The following KIF2C variants were observed in gnomAD, a reference collection of about 807,000 sequenced individuals.
KIF2C encodes the protein kinesin-like protein KIF2C.
KIF2C carries 34 observed loss-of-function variants against 97.4 expected under a neutral mutation model. The ratio of observed to expected loss-of-function variants is 0.35; its 90% CI spans 0.27 to 0.46. KIF2C has a LOEUF of 0.46. KIF2C is among the 20% of genes least tolerant of loss of function. The pLI, the probability that KIF2C is intolerant of heterozygous loss-of-function variation, is 1.00. For missense variants in KIF2C, 750 were observed against 907.6 expected (o/e 0.83, Z 2.23); for synonymous variants, 313 against 318.2 (o/e 0.98, Z 0.17).
chr1:44,746,782 CTATT>C, intron 2 of KIF2C: 1 of 1,600,970 alleles, frequency 6.2e-7, no homozygotes, highest in South Asian at 1.1e-5. Context: ...TAAGGAGTAA[CTATT>C]TGTTTTATAG....
intron 1 of KIF2C, among the ~76,000 whole-genome samples, chr1:44,740,271 T>C (rs1258861090): frequency 6.6e-6 from 1 of 152,164 alleles, no homozygotes; most frequent in Admixed American, 6.6e-5. Flanking sequence ...AGTTGGGACT[T>C]CTAAATTCAC....
Position 44,750,536 on chromosome 1 carries a change from A to T in KIF2C, c.411A>T (p.Ala137=), listed in dbSNP as rs1363059954. ...NDMEVELPAA[A]NSRKQFSVPP... is the part of the protein sequence containing the mutation. ...TGGAGGTGGAGCTGCCTGCAGCTGC[A>T]AACTCCCGCAAGCAGTTTTCAGTTC... Residue 137 remains alanine, a synonymous_variant, in exon 5 of 21, where the codon GCA becomes GCT. Transcript: ENST00000372224. 1 of 1,585,460 alleles carries T rather than the reference A, an allele frequency of 6.3e-7. No homozygotes were observed. Among genetic ancestry groups the T allele is most frequent in the Admixed American group, 1.8e-5 (1 of 57,016 alleles).
Position 44,750,079 on chromosome 1 carries a change from CAA to C in KIF2C, c.317-344_317-343del, listed in dbSNP as rs67811341. On this transcript the variant is annotated intron_variant, in intron 4 of 20. Transcript: ENST00000372224. ...CCTGGGCAACAAGAGCGAAACTCCT[CAA>C]AAAAAAAAAAAAAAAAAAGATTCAT... Among the ~76,000 whole-genome samples the C allele has an allele frequency of 6.7e-3, 456 of 68,312 alleles. 2 individuals carry two copies. The highest frequency in any genetic ancestry group is 0.018 in the South Asian group (34 of 1,848). 44.8% of individuals were successfully genotyped at this position (68,312 alleles called of 152,430 possible).
At chr1:44,758,372 G>A (rs1364796208) in intron 13 of KIF2C, among the ~76,000 whole-genome samples, 1 of 152,080 alleles carries the variant, frequency 6.6e-6, no homozygotes, top group Non-Finnish European at 1.5e-5. Flanking sequence ...CAGGTGCAAG[G>A]TTTGCCTGTG....
chr1:44,759,480 C>T, intron 14 of KIF2C, 132 bp downstream of exon 14: 1 of 1,074,680 alleles, frequency 9.3e-7, no homozygotes, highest in South Asian at 1.5e-5. Context: ...AAGGCCTCTG[C>T]TTTACGGGGT....
At chr1:44,746,130 G>A (rs186936566) in intron 2 of KIF2C, among the ~76,000 whole-genome samples, 36 of 150,738 alleles carry the variant, frequency 2.4e-4, no homozygotes, top group East Asian at 1.6e-3. Context: ...CGCCCACCTC[G>A]GCCTCCCAAA....
intron 4 of KIF2C, among the ~76,000 whole-genome samples, chr1:44,748,144 C>G (rs1649315550): frequency 6.6e-6 from 1 of 152,146 alleles, no homozygotes; most frequent in Non-Finnish European, 1.5e-5. Flanking sequence ...ACAGCATTGC[C>G]TCGTGGTCTA....
intron 2 of KIF2C, among the ~76,000 whole-genome samples, chr1:44,743,660 C>T (rs954788657): frequency 2.4e-4 from 37 of 152,150 alleles, no homozygotes; most frequent in Admixed American, 2.2e-3. Flanking sequence ...GTCATAGTGG[C>T]TTGCGCCTGT....
Position 44,746,697 on chromosome 1 carries a change from C to A in KIF2C, c.166-687C>A. 2 of 1,603,546 alleles carry A rather than the reference C, an allele frequency of 1.2e-6. 1 individual carries two copies. The highest frequency in any genetic ancestry group is 2.2e-5 in the South Asian group (2 of 89,338). ...CCTGCCTGTCTGCCCTCCTCTTCAC[C>A]TCATTCTCATCACTGACGTCTACCA... is the stretch of plus-strand genomic sequence containing the variant. On this transcript the variant is annotated intron_variant, in intron 2 of 20. Coordinates refer to ENST00000372224, the MANE Select transcript of KIF2C (RefSeq NM_006845.4).
intron 2 of KIF2C, among the ~76,000 whole-genome samples, chr1:44,742,589 C>T (rs1032067620): frequency 1.3e-5 from 2 of 151,776 alleles, no homozygotes; most frequent in Non-Finnish European, 2.9e-5. Flanking sequence ...TGTGGTGGCA[C>T]GGGCCTGTAA....
chr1:44,753,230 TC>T lies in KIF2C; in HGVS notation c.539del (p.Ser180PhefsTer6). The part of the protein sequence containing the change: ...EEQVHSIRGS[S>X]SANPVNSVRR... ...GCAAGTCCATTCCATCCGAGGCAGC[TC>T]TTCTGCAAACCCTGTGAACTCAGGT... On this transcript the variant is annotated frameshift_variant, in exon 6 of 21. Transcript: ENST00000372224. LOFTEE classifies it high-confidence loss of function. The T allele has an allele frequency of 6.2e-7, 1 of 1,613,712 alleles. No individual in the cohort carries two copies. The highest frequency in any genetic ancestry group is 8.5e-7 in the Non-Finnish European group (1 of 1,179,728).
At position 44,739,916 on chromosome 1, in the gene KIF2C, C is replaced by A; in HGVS notation, c.-17C>A. ...TTTCTTGGTATTGCGCGTTTCTCTT[C>A]CTTGCTGACTCTCCGAATGGCCATG... On this transcript the variant is annotated 5_prime_UTR_variant, in exon 1 of 21. Transcript: ENST00000372224. 6.2e-7 allele frequency: 1 copy of A among 1,612,544 alleles called. No homozygotes were observed. Among genetic ancestry groups the A allele is most frequent in the Non-Finnish European group, 8.5e-7 (1 of 1,178,486 alleles).
intron 1 of KIF2C, among the ~76,000 whole-genome samples, chr1:44,740,604 T>C (rs1648883547): frequency 6.6e-6 from 1 of 152,280 alleles, no homozygotes; most frequent in South Asian, 2.1e-4. Flanking sequence ...AATCCTGTGC[T>C]CAAACATACC....
At chr1:44,750,095 A>C in intron 4 of KIF2C, among the ~76,000 whole-genome samples, 1 of 151,914 alleles carries the variant, frequency 6.6e-6, no homozygotes, top group African/African-American at 2.4e-5. Context: ...AAAAAAAAAA[A>C]AAAAGATTCA....
chr1:44,747,547 T>G, intron 3 of KIF2C, 62 bp downstream of exon 3: 11 of 1,573,122 alleles, frequency 7.0e-6, no homozygotes, highest in Non-Finnish European at 9.6e-6. Flanking sequence ...TTATTGACTC[T>G]TTGCTGATTG....
intron 19 of KIF2C, among the ~76,000 whole-genome samples, chr1:44,763,189 C>T (rs1421943647): frequency 6.6e-6 from 1 of 151,524 alleles, no homozygotes; most frequent in Admixed American, 6.6e-5. Flanking sequence ...TATAAAGTGT[C>T]AGCACAGTAC....
rs1283621357 is a variant in KIF2C, at chr1:44,755,965, C to T, written c.796C>T (p.Arg266Cys). 8.7e-6 allele frequency: 14 copies of T among 1,614,070 alleles called. No individual in the cohort carries two copies. The highest frequency in any genetic ancestry group is 1.1e-5 in the Non-Finnish European group (13 of 1,180,046). The change falls in exon 9 of 21, where the codon CGC (arginine) becomes TGC (cysteine). Residue 266 changes from arginine (R) to cysteine (C), a missense_variant. By Grantham distance (180) the Arg-to-Cys change is radical. Transcript: ENST00000372224. ...CAGAATATGTGTCTGTGTTAGGAAA[C>T]GCCCACTGAATAAGCAAGGTAAGTC... is the stretch of plus-strand genomic sequence containing the variant. Reference protein sequence around the residue: ...EHRICVCVRKRPLNKQELAKK... With the variant: ...EHRICVCVRKCPLNKQELAKK...
intron 2 of KIF2C, chr1:44,746,309 T>C: frequency 1.0e-6 from 1 of 955,844 alleles, no homozygotes; most frequent in Non-Finnish European, 1.3e-6. Context: ...CTGGTGAAGT[T>C]TGAGTTGTTC....
intron 2 of KIF2C, among the ~76,000 whole-genome samples, chr1:44,745,178 A>C (rs1163910691): frequency 6.6e-6 from 1 of 151,300 alleles, no homozygotes; most frequent in African/African-American, 2.4e-5. Flanking sequence ...ACCAAGAGTG[A>C]AACTCCATCT....
Sources: allele counts gnomAD v4.1 joint callset (sites outside exome capture counted in the v4.1 genomes callset), GRCh38; gene constraint gnomAD v4.1.1; transcripts MANE v1.5; gene names NCBI Gene and HGNC (gene_info 2026-07-23, HGNC 2026-07-21).